Variants in STARD13 observed in about 807,000 individuals in gnomAD.
STARD13 encodes the protein stAR-related lipid transfer protein 13.
In STARD13, 62 loss-of-function variants were observed where a neutral mutation model predicts 106.4. The observed-to-expected ratio is 0.58, with a 90% CI of 0.48 to 0.72. The LOEUF is 0.72. Among genes scored for constraint, STARD13 ranks in the 30% least tolerant of loss-of-function variants. The pLI, the probability that STARD13 is intolerant of heterozygous loss-of-function variation, is 0.00. For synonymous variants in STARD13, 565 were observed against 553.0 expected (o/e 1.02, Z -0.31); for missense variants, 1,387 against 1,424.0 (o/e 0.97, Z 0.42).
At chr13:33,358,185 C>G in the STARD13 span, among the ~76,000 whole-genome samples, 1 of 152,176 alleles carries the variant, frequency 6.6e-6, no homozygotes, top group South Asian at 2.1e-4. Flanking sequence ...GTGCTGCGCT[C>G]GATTTCTCGC....
intron 1 of STARD13, among the ~76,000 whole-genome samples, chr13:33,303,726 T>C (rs1273028891): frequency 6.6e-6 from 1 of 152,096 alleles, no homozygotes; most frequent in Non-Finnish European, 1.5e-5. Context: ...TCCTTCAAGC[T>C]GAAGTGGTAA....
chr13:33,349,801 C>T (rs1265851764), intron 1 of STARD13, among the ~76,000 whole-genome samples: 1 of 152,208 alleles, frequency 6.6e-6, no homozygotes, highest in Non-Finnish European at 1.5e-5. Flanking sequence ...CCCCGAGTGG[C>T]TGGTCTGCGG....
At chr13:33,661,955 T>C in the STARD13 span, among the ~76,000 whole-genome samples, 4 of 151,528 alleles carry the variant, frequency 2.6e-5, no homozygotes, top group African/African-American at 7.3e-5. Flanking sequence ...GGTTCACAAA[T>C]ATGTCATCAT....
At position 33,247,940 on chromosome 13, in the gene STARD13, G is replaced by C. The variant is rs201280380; in HGVS notation, c.169+37530C>G. ...CAAGGTTGGGGACCACTGACACAAA[G>C]GGCTTTTCATGTGGGTGATTTACCT... On this transcript the variant is annotated intron_variant, in intron 1 of 13. Transcript: ENST00000336934. Among the ~76,000 whole-genome samples the C allele has an allele frequency of 6.6e-5, 10 of 152,260 alleles. No individual in the cohort carries two copies. The East Asian group carries it at 1.5e-3, about 23-fold the overall frequency.
chr13:33,614,296 T>TGTGTGTGTGTGTGTGTG, the STARD13 span, among the ~76,000 whole-genome samples: 3 of 151,914 alleles, frequency 2.0e-5, no homozygotes, highest in South Asian at 2.1e-4. Flanking sequence ...TGTGTGTGTG[T>TGTGTGTGTGTGTGTGTG]TTCTTGGAAA....
Position 33,201,996 on chromosome 13 carries a change from T to G in STARD13, c.170-34374A>C, listed in dbSNP as rs1321667649. On this transcript the variant is annotated intron_variant, in intron 1 of 13. Transcript: ENST00000336934. The stretch of plus-strand genomic sequence containing the variant: ...ATAAATAATATCATGCTGAACATCT[T>G]TGTTCAGAAAGCTTTGTCTACATTT... 2.0e-5 allele frequency among the ~76,000 whole-genome samples: 3 copies of G among 152,262 alleles called. No individual in the cohort carries two copies. In the East Asian group the frequency reaches 5.8e-4, roughly 29 times the overall value.
chr13:33,222,174 T>C (rs749542880), intron 1 of STARD13, among the ~76,000 whole-genome samples: 2 of 151,610 alleles, frequency 1.3e-5, no homozygotes, highest in African/African-American at 2.4e-5. Context: ...TTCTGACCTA[T>C]GCTGCGACAT....
At chr13:33,211,222 GAA>G (rs1887697159) in intron 1 of STARD13, among the ~76,000 whole-genome samples, 1 of 150,198 alleles carries the variant, frequency 6.7e-6, no homozygotes, top group Non-Finnish European at 1.5e-5. Flanking sequence ...CATAAAACAT[GAA>G]AGATATTAAA....
At chr13:33,262,534 T>A (rs1035478226) in intron 1 of STARD13, among the ~76,000 whole-genome samples, 11 of 152,218 alleles carry the variant, frequency 7.2e-5, no homozygotes, top group South Asian at 2.1e-4. Flanking sequence ...CTGTTTGGCA[T>A]GTTTGCAGGA....
At chr13:33,236,312 C>A (rs1244746649) in intron 1 of STARD13, among the ~76,000 whole-genome samples, 2 of 152,208 alleles carry the variant, frequency 1.3e-5, no homozygotes, top group Non-Finnish European at 2.9e-5. Context: ...TGGTAGCAAG[C>A]AGGACCCTCC....
chr13:33,470,041 C>T, the STARD13 span, among the ~76,000 whole-genome samples: 1 of 152,156 alleles, frequency 6.6e-6, no homozygotes, highest in Non-Finnish European at 1.5e-5. Context: ...TCTCCTAATG[C>T]TATCCCTCCC....
At chr13:33,289,622 G>A (rs192452668), upstream of STARD13, among the ~76,000 whole-genome samples, 245 of 152,272 alleles carry the variant, frequency 1.6e-3, 2 homozygotes, top group African/African-American at 5.7e-3. Context: ...TTGGAAAGGG[G>A]AGAGCATTTT....
At chr13:33,475,122 A>G in the STARD13 span, among the ~76,000 whole-genome samples, 5 of 152,302 alleles carry the variant, frequency 3.3e-5, no homozygotes, top group East Asian at 7.7e-4. Flanking sequence ...ACTTCCACTT[A>G]AGAAAGGATT....
the STARD13 span, among the ~76,000 whole-genome samples, chr13:33,479,046 G>T: frequency 6.6e-6 from 1 of 152,084 alleles, no homozygotes; most frequent in Admixed American, 6.6e-5. Flanking sequence ...AAATCCAACA[G>T]CTCTATAGAA....
chr13:33,393,800 T>C, the STARD13 span, among the ~76,000 whole-genome samples: 1 of 152,268 alleles, frequency 6.6e-6, no homozygotes, highest in Non-Finnish European at 1.5e-5. Context: ...CCAAGGTCTA[T>C]TGGATACCCA....
At chr13:33,337,545 T>G (rs773950322) in intron 1 of STARD13, among the ~76,000 whole-genome samples, 8 of 152,226 alleles carry the variant, frequency 5.3e-5, no homozygotes, top group Non-Finnish European at 1.5e-5. Flanking sequence ...TATTATTGCC[T>G]TACTTTATAA....
the STARD13 span, among the ~76,000 whole-genome samples, chr13:33,628,190 CA>C: frequency 0.027 from 3,653 of 137,604 alleles, 64 homozygotes; most frequent in African/African-American, 0.054. Context: ...CACACACACA[CA>C]CCACATGCAT....
At chr13:33,113,031 C>T (rs546348513) in intron 8 of STARD13, 100 bp from the exon 9 acceptor site, 2 of 831,698 alleles carry the variant, frequency 2.4e-6, no homozygotes, top group East Asian at 5.1e-5. Flanking sequence ...GAACACGCAC[C>T]CAGAGTCATC....
chr13:33,321,491 G>C (rs1368502198), intron 1 of STARD13, among the ~76,000 whole-genome samples: 1 of 149,692 alleles, frequency 6.7e-6, no homozygotes, highest in Non-Finnish European at 1.5e-5. Flanking sequence ...GAGCAACAGA[G>C]AGACTCCGTC....
Sources: gnomAD v4.1 joint callset for allele counts (sites outside exome capture counted in the v4.1 genomes callset) on GRCh38, gnomAD v4.1.1 for gene constraint, MANE v1.5 for transcripts, NCBI Gene and HGNC (gene_info 2026-07-23, HGNC 2026-07-21) for gene names.